PAG1: variants seen among roughly 807,000 people sequenced by gnomAD.
The protein encoded by PAG1 is phosphoprotein associated with glycosphingolipid-enriched microdomains 1.
Under a neutral mutation model 31.7 loss-of-function variants are expected in PAG1, and 23 were observed. That is an observed-to-expected ratio of 0.73 (90% CI 0.52 to 1.03). PAG1 has a LOEUF of 1.03. PAG1 is among the 50% of genes least tolerant of loss of function. The pLI is 0.00. For missense variants in PAG1, 473 were observed against 540.7 expected, an observed-to-expected ratio of 0.87 and a Z score of 1.24; for synonymous variants, 214 against 210.3, an observed-to-expected ratio of 1.02 and a Z score of -0.15.
intron 1 of PAG1, among the ~76,000 whole-genome samples, chr8:81,087,225 C>T (rs917767673): frequency 1.3e-5 from 2 of 151,948 alleles, no homozygotes; most frequent in Non-Finnish European, 2.9e-5. Context: ...TGCCTGTAAT[C>T]CCAGCTATTC....
chr8:81,006,895 C>A (rs758667698), intron 3 of PAG1, among the ~76,000 whole-genome samples: 1 of 152,102 alleles, frequency 6.6e-6, no homozygotes, highest in African/African-American at 2.4e-5. Context: ...TTAAAGAGAG[C>A]CTTTCCCTGT....
At chr8:80,981,161 C>T (rs1807292279) in intron 7 of PAG1, among the ~76,000 whole-genome samples, 2 of 152,082 alleles carry the variant, frequency 1.3e-5, no homozygotes, top group African/African-American at 2.4e-5. Context: ...CTCATGGCTG[C>T]ACCCCAGGCC....
At chr8:81,090,120 TG>T (rs1809422134) in intron 1 of PAG1, among the ~76,000 whole-genome samples, 2 of 152,236 alleles carry the variant, frequency 1.3e-5, no homozygotes, top group Non-Finnish European at 2.9e-5. Flanking sequence ...CTAATTTTCC[TG>T]GTGTACAGGA....
intron 1 of PAG1, among the ~76,000 whole-genome samples, chr8:81,088,880 C>A (rs28367435): frequency 0.012 from 1,860 of 152,304 alleles, 43 homozygotes; most frequent in African/African-American, 0.042. Flanking sequence ...AAAGGCAAAT[C>A]AGCAAAGGAC....
intron 1 of PAG1, among the ~76,000 whole-genome samples, chr8:81,086,005 G>T: frequency 1.3e-5 from 1 of 79,964 alleles, no homozygotes; most frequent in Non-Finnish European, 2.0e-5. Flanking sequence ...TTTTTGAGAC[G>T]GAGTCTCGCT....
intron 3 of PAG1, among the ~76,000 whole-genome samples, chr8:81,019,484 C>T (rs539726195): frequency 1.1e-4 from 17 of 152,326 alleles, no homozygotes; most frequent in South Asian, 4.2e-4. Flanking sequence ...GCATCCCAGC[C>T]GCTTCAGTTC....
chr8:81,064,795 T>C (rs1239207194), intron 2 of PAG1, among the ~76,000 whole-genome samples: 1 of 152,312 alleles, frequency 6.6e-6, no homozygotes, highest in Non-Finnish European at 1.5e-5. Context: ...TGGAGCTTAA[T>C]GGGAAAAACT....
intron 2 of PAG1, among the ~76,000 whole-genome samples, chr8:81,034,741 C>T (rs1586178747): frequency 6.6e-6 from 1 of 152,330 alleles, no homozygotes; most frequent in Non-Finnish European, 1.5e-5. Flanking sequence ...CCTGACATGG[C>T]AACCCTTCAG....
intron 1 of PAG1, among the ~76,000 whole-genome samples, chr8:81,087,341 C>CAAA (rs34830995): frequency 3.9e-4 from 38 of 98,272 alleles, no homozygotes; most frequent in African/African-American, 1.3e-3. Flanking sequence ...GACTCTGTCT[C>CAAA]AAAAAAAAAA....
At chr8:81,077,433 A>G (rs994526541) in intron 1 of PAG1, among the ~76,000 whole-genome samples, 2 of 152,218 alleles carry the variant, frequency 1.3e-5, no homozygotes, top group African/African-American at 4.8e-5. Context: ...ACAAAACTGT[A>G]AATAAATAAC....
chr8:81,021,656 C>G (rs758047974), intron 3 of PAG1, among the ~76,000 whole-genome samples: 2 of 151,398 alleles, frequency 1.3e-5, no homozygotes, highest in African/African-American at 4.9e-5. Context: ...CTCACGTTCT[C>G]TAATGTAAAA....
chr8:81,111,433 C>T lies in PAG1; in HGVS notation c.-234+158G>A, dbSNP rs544939397. Reference sequence around the variant, plus strand: ...GGTCAGCCAGCCCTGGACTCCAGACCTTCCAGCTGCCTTGTCCCCTTCTTG... The same window carrying T: ...GGTCAGCCAGCCCTGGACTCCAGACTTTCCAGCTGCCTTGTCCCCTTCTTG... On this transcript the variant is annotated intron_variant, in intron 1 of 8. Coordinates refer to ENST00000220597, the MANE Select transcript of PAG1 (RefSeq NM_018440.4). Among the ~76,000 whole-genome samples the T allele has an allele frequency of 1.1e-4, 16 of 152,352 alleles. No homozygotes were observed. In the South Asian group the frequency reaches 1.9e-3, roughly 18 times the overall value.
chr8:81,065,454 GA>G (rs1281686965), intron 2 of PAG1, among the ~76,000 whole-genome samples: 2 of 151,888 alleles, frequency 1.3e-5, no homozygotes, highest in Non-Finnish European at 2.9e-5. Context: ...TAAATTAGGG[GA>G]AAAAAACAAC....
intron 1 of PAG1, among the ~76,000 whole-genome samples, chr8:81,092,189 CAAAAAAAAAAAAAAAA>C (rs58417714): frequency 4.2e-5 from 3 of 71,402 alleles, no homozygotes; most frequent in African/African-American, 1.7e-4. Flanking sequence ...CACATCTCTG[CAAAAAAAAAAAAAAAA>C]AAAAAAAGGA....
At chr8:80,984,587 A>G (rs1231740419) in intron 7 of PAG1, among the ~76,000 whole-genome samples, 189 bp downstream of exon 7, 5 of 152,246 alleles carry the variant, frequency 3.3e-5, no homozygotes, top group African/African-American at 9.6e-5. Context: ...AATATTTGAT[A>G]AATACAAGTT....
At chr8:81,006,051 TC>T (rs1331493724) in intron 3 of PAG1, among the ~76,000 whole-genome samples, 2 of 152,172 alleles carry the variant, frequency 1.3e-5, no homozygotes, top group African/African-American at 2.4e-5. Flanking sequence ...CAAGCAATTC[TC>T]CCACCTTAGC....
At position 80,974,995 on chromosome 8, in the gene PAG1, C is replaced by G. The variant is rs1348020056; in HGVS notation, c.*1549G>C. On this transcript the variant is annotated 3_prime_UTR_variant, in exon 9 of 9. Coordinates refer to ENST00000220597, the MANE Select transcript of PAG1 (RefSeq NM_018440.4). The stretch of plus-strand genomic sequence containing the variant: ...GTTTGTAAAATATAGGAAGAAGATT[C>G]CAATAGGCAATTTGCATTGGCAAGC... 2.0e-5 allele frequency: 3 copies of G among 152,178 alleles called. No homozygotes were observed. Among genetic ancestry groups the G allele is most frequent in the Admixed American group, 1.3e-4 (2 of 15,290 alleles). 9.4% of individuals were successfully genotyped at this position (152,178 alleles called of 1,614,324 possible).
At position 81,058,770 on chromosome 8, in the gene PAG1, C is replaced by G. The variant is rs1808868824; in HGVS notation, c.-175+11342G>C. On this transcript the variant is annotated intron_variant, in intron 2 of 8. Transcript: ENST00000220597. ...AAGTAGCCAGGCATCGTGGCATGCA[C>G]CTGTAGTCCCAGCTACTTGGGGAGG... The G allele has an allele frequency of 2.0e-5, 3 of 148,532 alleles. No individual in the cohort carries two copies. In the East Asian group the frequency reaches 6.1e-4, roughly 30 times the overall value. The allele number at this position is 148,532 out of a possible 1,614,324, so 9.2% of individuals were successfully genotyped here. A position where few individuals can be genotyped will look rare whatever the true frequency, so the allele number is the denominator to read the frequency against.
chr8:80,972,337 G>C lies in PAG1; in HGVS notation c.*4207C>G, dbSNP rs1791480672. 1 of 152,026 alleles carries C rather than the reference G, an allele frequency of 6.6e-6. No individual in the cohort carries two copies. The highest frequency in any genetic ancestry group is 1.5e-5 in the Non-Finnish European group (1 of 67,990). 9.4% of individuals were successfully genotyped at this position (152,026 alleles called of 1,614,324 possible). A position where few individuals can be genotyped will look rare whatever the true frequency, so the allele number is the denominator to read the frequency against. ...ATATTAACTATTACAAGGGGCACTG[G>C]AAAAAAAGGTCATTTGCTCATTTAC... On this transcript the variant is annotated 3_prime_UTR_variant, in exon 9 of 9. Coordinates refer to ENST00000220597, the MANE Select transcript of PAG1 (RefSeq NM_018440.4).
Sources: allele counts gnomAD v4.1 joint callset (sites outside exome capture counted in the v4.1 genomes callset), GRCh38; gene constraint gnomAD v4.1.1; transcripts MANE v1.5; gene names NCBI Gene and HGNC (gene_info 2026-07-23, HGNC 2026-07-21).